LRBA: variants seen among roughly 807,000 people sequenced by gnomAD.
LRBA encodes the protein lipopolysaccharide-responsive and beige-like anchor protein.
A neutral mutation model predicts 330.0 loss-of-function variants in LRBA; 176 were observed. The ratio of observed to expected loss-of-function variants is 0.53; its 90% confidence interval spans 0.47 to 0.60. The LOEUF (loss-of-function observed/expected upper bound fraction) is 0.60, where lower values mean the gene tolerates loss of function less well. Among genes scored for constraint, LRBA ranks in the 20% least tolerant of loss-of-function variants. The pLI is 0.00. For missense variants in LRBA, 3,259 were observed against 3,444.8 expected (o/e 0.95, Z 1.35); for synonymous variants, 1,230 against 1,193.0 (o/e 1.03, Z -0.64).
At chr4:150,783,246 T>C (rs1738529492) in intron 34 of LRBA, among the ~76,000 whole-genome samples, 1 of 152,200 alleles carries the variant, frequency 6.6e-6, no homozygotes, top group African/African-American at 2.4e-5. Context: ...CCAACTTCTT[T>C]TTCCCTTTTT....
intron 2 of LRBA, among the ~76,000 whole-genome samples, chr4:151,011,594 T>G (rs1213607783): frequency 1.8e-5 from 2 of 111,446 alleles, no homozygotes; most frequent in African/African-American, 6.8e-5. Flanking sequence ...TGAGACTCTA[T>G]CTCAAAAAAA....
intron 37 of LRBA, among the ~76,000 whole-genome samples, chr4:150,669,618 T>C (rs1351644244): frequency 6.6e-6 from 1 of 151,294 alleles, no homozygotes; most frequent in Non-Finnish European, 1.5e-5. Context: ...CAGGCTGGAG[T>C]GCAATGACAC....
At position 151,014,689 on chromosome 4, in the gene LRBA, G is replaced by T; in HGVS notation, c.-47C>A. 1 of 1,321,180 alleles carries T rather than the reference G, an allele frequency of 7.6e-7. No individual in the cohort carries two copies. Among genetic ancestry groups the T allele is most frequent in the Non-Finnish European group, 1.1e-6 (1 of 946,536 alleles). 81.8% of individuals were successfully genotyped at this position (1,321,180 alleles called of 1,614,324 possible). A position where few individuals can be genotyped will look rare whatever the true frequency, so the allele number is the denominator to read the frequency against. The stretch of plus-strand genomic sequence containing the variant: ...AACTCAGAGTCACCCTGGGACGGCA[G>T]TCGCTGCACTGGTAATGAGCACAAC... On this transcript the variant is annotated 5_prime_UTR_variant, in exon 2 of 57. It adds an upstream start codon to the 5' untranslated region. Coordinates refer to ENST00000651943, the MANE Select transcript of LRBA (RefSeq NM_001364905.1).
intron 2 of LRBA, among the ~76,000 whole-genome samples, chr4:150,981,394 CGGAGTGAGACTGTCT>C: frequency 7.6e-6 from 1 of 131,086 alleles, no homozygotes. Context: ...GCCTCGGCGA[CGGAGTGAGACTGTCT>C]CAAAAAAAAA....
intron 2 of LRBA, among the ~76,000 whole-genome samples, chr4:150,933,365 CAAAA>C (rs60766197): frequency 2.5e-5 from 2 of 79,032 alleles, no homozygotes; most frequent in Admixed American, 1.5e-4. Context: ...GACTCTGTCT[CAAAA>C]AAAAAAAAAA....
chr4:150,882,185 G>A (rs141432366), intron 17 of LRBA, among the ~76,000 whole-genome samples: 29 of 152,030 alleles, frequency 1.9e-4, no homozygotes, highest in African/African-American at 6.7e-4. Flanking sequence ...AACACAAGAA[G>A]ATCAAAAGAA....
chr4:150,784,076 CAA>C (rs1738660829), intron 34 of LRBA, among the ~76,000 whole-genome samples: 1 of 152,090 alleles, frequency 6.6e-6, no homozygotes, highest in Admixed American at 6.5e-5. Context: ...ACTCTCTGCC[CAA>C]GTTTTATTAA....
At chr4:150,524,858 A>G (rs1763292122) in intron 40 of LRBA, among the ~76,000 whole-genome samples, 1 of 152,146 alleles carries the variant, frequency 6.6e-6, no homozygotes, top group Non-Finnish European at 1.5e-5. Context: ...TGAATCATTT[A>G]ATAATTCTGA....
At chr4:150,974,256 A>G (rs1739901996) in intron 2 of LRBA, among the ~76,000 whole-genome samples, 1 of 152,206 alleles carries the variant, frequency 6.6e-6, no homozygotes, top group South Asian at 2.1e-4. Context: ...ATCAGAGTTC[A>G]GAGAGAATGA....
Position 150,852,441 on chromosome 4 carries a change from G to A in LRBA, c.3269C>T (p.Ala1090Val). The stretch of plus-strand genomic sequence containing the variant: ...ATCCAAGAATTCTGGCATCTCTGAG[G>A]CATCCTCTTCTGAAGGAGAACTTAT... ...ASISSPSEEDASEMPEFLDKS... is the reference protein window; with the variant it reads ...ASISSPSEEDVSEMPEFLDKS... Residue 1090 changes from alanine (A) to valine (V), a missense_variant, in exon 23 of 57, where the codon GCC (alanine) becomes GTC (valine). Transcript: ENST00000651943. 1.2e-6 allele frequency: 2 copies of A among 1,613,184 alleles called. No individual in the cohort carries two copies. The highest frequency in any genetic ancestry group is 8.5e-7 in the Non-Finnish European group (1 of 1,179,954).
intron 52 of LRBA, among the ~76,000 whole-genome samples, chr4:150,304,389 A>G (rs1191818696): frequency 6.6e-6 from 1 of 152,206 alleles, no homozygotes; most frequent in Non-Finnish European, 1.5e-5. Context: ...ATCAGATGGA[A>G]AAGTCAAATA....
chr4:150,403,974 G>C lies in LRBA; in HGVS notation c.7194+11464C>G, dbSNP rs573265570. Among the ~76,000 whole-genome samples, 7 of 152,258 alleles carry C rather than the reference G, an allele frequency of 4.6e-5. No individual in the cohort carries two copies. The South Asian group carries it at 1.5e-3, about 32-fold the overall frequency. ...TTGAACCTGGAAGGCAGAGGTTGCA[G>C]TGAGCTGAGATTGTGCCACTGTACT... On this transcript the variant is annotated intron_variant, in intron 47 of 56. Coordinates refer to ENST00000651943, the MANE Select transcript of LRBA (RefSeq NM_001364905.1).
At chr4:150,464,588 C>T (rs1561214734) in intron 44 of LRBA, among the ~76,000 whole-genome samples, 2 of 151,882 alleles carry the variant, frequency 1.3e-5, no homozygotes, top group East Asian at 1.9e-4. Flanking sequence ...TTTATCATTC[C>T]TCATGGTCAA....
At chr4:150,957,226 G>C (rs1410984205) in intron 2 of LRBA, among the ~76,000 whole-genome samples, 1 of 148,430 alleles carries the variant, frequency 6.7e-6, no homozygotes, top group Non-Finnish European at 1.5e-5. Flanking sequence ...ATTTATAAAG[G>C]AAAGAGGTTT....
chr4:150,376,279 TTAGG>T (rs1741308819), intron 47 of LRBA, among the ~76,000 whole-genome samples: 1 of 152,184 alleles, frequency 6.6e-6, no homozygotes, highest in Non-Finnish European at 1.5e-5. Flanking sequence ...TATTAAAATA[TTAGG>T]TAGTTTATCT....
chr4:150,299,313 A>C (rs778628994), intron 53 of LRBA, among the ~76,000 whole-genome samples: 1 of 152,174 alleles, frequency 6.6e-6, no homozygotes. Context: ...TTTTCTTCTC[A>C]TTGAAAAAAC....
chr4:150,303,566 T>A (rs908756653), intron 52 of LRBA, among the ~76,000 whole-genome samples: 1 of 148,508 alleles, frequency 6.7e-6, no homozygotes, highest in African/African-American at 2.5e-5. Flanking sequence ...CCCTTTTTTG[T>A]TATTTTTATT....
intron 37 of LRBA, among the ~76,000 whole-genome samples, chr4:150,660,684 AG>A (rs1780970522): frequency 7.3e-6 from 1 of 137,754 alleles, no homozygotes; most frequent in Non-Finnish European, 1.6e-5. Flanking sequence ...CTGTGTAGAA[AG>A]AAGTAGACAT....
At chr4:150,897,135 T>C (rs1184795253) in intron 15 of LRBA, among the ~76,000 whole-genome samples, 2 of 151,950 alleles carry the variant, frequency 1.3e-5, no homozygotes, top group East Asian at 1.9e-4. Context: ...CTGAAAGGTA[T>C]ACTAAAAGTT....
Sources: allele counts gnomAD v4.1 joint callset (sites outside exome capture counted in the v4.1 genomes callset), GRCh38; gene constraint gnomAD v4.1.1; transcripts MANE v1.5; gene names NCBI Gene and HGNC (gene_info 2026-07-23, HGNC 2026-07-21).